The following PDGFC variants were observed in gnomAD, a reference collection of about 807,000 sequenced individuals.
PDGFC encodes platelet derived growth factor C, also known as platelet-derived growth factor C.
PDGFC carries 12 observed loss-of-function variants against 35.5 expected under a neutral mutation model. The observed-to-expected ratio is 0.34, with a 90% CI of 0.22 to 0.55. PDGFC has a LOEUF of 0.55. Ranked by LOEUF, PDGFC falls within the 20% of genes least tolerant of loss-of-function variation. The pLI is 0.91. For synonymous variants in PDGFC, 159 were observed against 148.8 expected (o/e 1.07, Z -0.50); for missense variants, 322 against 412.4 (o/e 0.78, Z 1.90).
At chr4:156,960,946 G>T (rs1455630214) in intron 1 of PDGFC, among the ~76,000 whole-genome samples, 2 of 151,978 alleles carry the variant, frequency 1.3e-5, no homozygotes, top group Non-Finnish European at 2.9e-5. Flanking sequence ...TAAGATCTCA[G>T]GTTTAAAGTA....
At chr4:156,861,060 G>A (rs1267134676) in intron 1 of PDGFC, among the ~76,000 whole-genome samples, 1 of 151,996 alleles carries the variant, frequency 6.6e-6, no homozygotes, top group Non-Finnish European at 1.5e-5. Context: ...TCTAAATGAT[G>A]GTAATAAAAA....
At chr4:156,832,599 C>T (rs773416443) in intron 2 of PDGFC, among the ~76,000 whole-genome samples, 3 of 152,160 alleles carry the variant, frequency 2.0e-5, no homozygotes, top group Admixed American at 6.5e-5. Flanking sequence ...GCCACATATA[C>T]CACATTCGAA....
In PDGFC at chr4:156,961,198, T is replaced by A. The variant is rs115773899; in HGVS notation, c.118+9588A>T. Among the ~76,000 whole-genome samples the A allele has an allele frequency of 3.3e-3, 508 of 152,224 alleles. 2 individuals are homozygous for A. The highest frequency in any genetic ancestry group is 0.012 in the African/African-American group (481 of 41,556). On this transcript the variant is annotated intron_variant, in intron 1 of 5. Transcript: ENST00000502773. Reference sequence around the variant, plus strand: ...CCCTAGACTATGAATATATATGGCATTATGGGAAACAAGCTGTGATTTATT... The same window carrying A: ...CCCTAGACTATGAATATATATGGCAATATGGGAAACAAGCTGTGATTTATT...
intron 1 of PDGFC, among the ~76,000 whole-genome samples, chr4:156,936,183 A>C (rs1273668536): frequency 6.6e-6 from 1 of 152,164 alleles, no homozygotes; most frequent in Non-Finnish European, 1.5e-5. Flanking sequence ...TGAAATCAGT[A>C]TCCACCCAAC....
Position 156,960,252 on chromosome 4 carries a change from TTA to T in PDGFC, c.118+10532_118+10533del, listed in dbSNP as rs202066963. On this transcript the variant is annotated intron_variant, in intron 1 of 5. Coordinates refer to ENST00000502773, the MANE Select transcript of PDGFC (RefSeq NM_016205.3). Reference sequence around the variant, plus strand: ...AAGCCATTTGATATATATATAACTGTTATATATATATATATATATATAAAACT... The same window carrying T: ...AAGCCATTTGATATATATATAACTGTTATATATATATATATATATAAAACT... Among the ~76,000 whole-genome samples the T allele has an allele frequency of 6.6e-3, 906 of 136,998 alleles. 18 individuals carry two copies. The East Asian group carries it at 0.1, about 15-fold the overall frequency. The allele number at this position is 136,998 out of a possible 152,430, so 89.9% of individuals were successfully genotyped here. A position where few individuals can be genotyped will look rare whatever the true frequency, so the allele number is the denominator to read the frequency against.
At chr4:156,896,741 A>G (rs1293649917) in intron 1 of PDGFC, among the ~76,000 whole-genome samples, 1 of 152,202 alleles carries the variant, frequency 6.6e-6, no homozygotes, top group Admixed American at 6.5e-5. Flanking sequence ...TGGCAACTAA[A>G]GGGGATAGAG....
At chr4:156,942,932 T>A (rs538987592) in intron 1 of PDGFC, among the ~76,000 whole-genome samples, 1 of 152,056 alleles carries the variant, frequency 6.6e-6, no homozygotes, top group Non-Finnish European at 1.5e-5. Context: ...GATCTCAGAT[T>A]ATCCCTCTCG....
At chr4:156,771,472 T>G (rs1272355228) in intron 4 of PDGFC, among the ~76,000 whole-genome samples, 1 of 152,190 alleles carries the variant, frequency 6.6e-6, no homozygotes, top group Non-Finnish European at 1.5e-5. Context: ...CATCAAGTTA[T>G]TCATCAAGAT....
At chr4:156,813,991 G>T (rs967126423) in intron 2 of PDGFC, among the ~76,000 whole-genome samples, 1 of 152,020 alleles carries the variant, frequency 6.6e-6, no homozygotes, top group East Asian at 1.9e-4. Flanking sequence ...CATAGTAAAC[G>T]CTGTGTCAGT....
chr4:156,913,078 G>T (rs1731075734), intron 1 of PDGFC, among the ~76,000 whole-genome samples: 1 of 151,884 alleles, frequency 6.6e-6, no homozygotes, highest in Non-Finnish European at 1.5e-5. Context: ...CTTAAAAGTT[G>T]GTCTCTTGTT....
At chr4:156,966,838 G>A (rs971305300) in intron 1 of PDGFC, among the ~76,000 whole-genome samples, 31 of 151,988 alleles carry the variant, frequency 2.0e-4, no homozygotes, top group African/African-American at 7.3e-4. Context: ...ACCTTTCAGT[G>A]GTAAAAGCAA....
At position 156,969,574 on chromosome 4, in the gene PDGFC, C is replaced by G. The variant is rs1732541851; in HGVS notation, c.118+1212G>C. Among the ~76,000 whole-genome samples, 3 of 152,162 alleles carry G rather than the reference C, an allele frequency of 2.0e-5. No individual in the cohort carries two copies. The South Asian group carries it at 6.2e-4, about 32-fold the overall frequency. On this transcript the variant is annotated intron_variant, in intron 1 of 5. Transcript: ENST00000502773. The stretch of plus-strand genomic sequence containing the variant: ...TGTGCTTTCTTAAACATGAACACTT[C>G]ATAGAGTTTAAATTCAAAGTTGAAG...
chr4:156,960,027 A>G (rs2110967621), intron 1 of PDGFC, among the ~76,000 whole-genome samples: 1 of 151,918 alleles, frequency 6.6e-6, no homozygotes, highest in East Asian at 1.9e-4. Context: ...AAACCTCAAG[A>G]CTGCTAATAT....
At chr4:156,775,123 C>T (rs889580696) in intron 3 of PDGFC, among the ~76,000 whole-genome samples, 2 of 152,002 alleles carry the variant, frequency 1.3e-5, no homozygotes, top group Non-Finnish European at 2.9e-5. Flanking sequence ...GTCCAAGGAA[C>T]ACAAAATTGC....
intron 1 of PDGFC, among the ~76,000 whole-genome samples, chr4:156,862,510 T>C (rs1411951019): frequency 6.6e-6 from 1 of 152,142 alleles, no homozygotes; most frequent in Non-Finnish European, 1.5e-5. Context: ...ATATCTCTTA[T>C]CAAAGGCAAA....
At chr4:156,933,497 C>T (rs982867192) in intron 1 of PDGFC, among the ~76,000 whole-genome samples, 3 of 152,138 alleles carry the variant, frequency 2.0e-5, no homozygotes, top group South Asian at 4.1e-4. Context: ...AACAAGCATC[C>T]TTTCTGCAGC....
intron 1 of PDGFC, among the ~76,000 whole-genome samples, chr4:156,958,646 T>A (rs1022141390): frequency 3.3e-5 from 5 of 152,060 alleles, no homozygotes; most frequent in African/African-American, 1.2e-4. Context: ...TTACTTCAAT[T>A]TCCAAGTTTA....
chr4:156,792,748 C>T (rs1015106831), intron 3 of PDGFC, among the ~76,000 whole-genome samples: 6 of 152,096 alleles, frequency 3.9e-5, no homozygotes, highest in Non-Finnish European at 7.4e-5. Context: ...TCTGCATTTC[C>T]AATTATAATG....
intron 3 of PDGFC, among the ~76,000 whole-genome samples, chr4:156,791,883 T>C (rs1021798292): frequency 2.0e-5 from 3 of 152,190 alleles, no homozygotes; most frequent in African/African-American, 7.2e-5. Flanking sequence ...GTAACAGCAA[T>C]GTTAACACCT....
Sources: gnomAD v4.1 joint callset for allele counts (sites outside exome capture counted in the v4.1 genomes callset) on GRCh38, gnomAD v4.1.1 for gene constraint, MANE v1.5 for transcripts, NCBI Gene and HGNC (gene_info 2026-07-23, HGNC 2026-07-21) for gene names.